Variants in COL4A3 observed in about 807,000 individuals in gnomAD.
COL4A3 encodes collagen type IV alpha 3 chain, also known as collagen alpha-3(IV) chain.
In COL4A3, 135 loss-of-function variants were observed where a neutral mutation model predicts 217.4. The observed-to-expected ratio is 0.62, with a 90% CI of 0.54 to 0.72. The LOEUF (loss-of-function observed/expected upper bound fraction) is 0.72, where lower values mean the gene tolerates loss of function less well. Ranked by LOEUF, COL4A3 falls within the 30% of genes least tolerant of loss-of-function variation. COL4A3 has a pLI of 0.00. For synonymous variants in COL4A3, 690 were observed against 736.3 expected, an observed-to-expected ratio of 0.94 and a Z score of 1.02; for missense variants, 1,868 against 2,119.9, an observed-to-expected ratio of 0.88 and a Z score of 2.33.
intron 1 of COL4A3, among the ~76,000 whole-genome samples, chr2:227,188,267 T>G (rs1425076012): frequency 6.6e-6 from 1 of 152,086 alleles, no homozygotes; most frequent in African/African-American, 2.4e-5. Context: ...AGAATTCTTT[T>G]TAAGTATCTG....
intron 1 of COL4A3, among the ~76,000 whole-genome samples, chr2:227,223,264 ATT>A (rs942529345): frequency 6.6e-6 from 1 of 152,184 alleles, no homozygotes; most frequent in African/African-American, 2.4e-5. Context: ...ACTTCAAATA[ATT>A]CATATACATG....
intron 1 of COL4A3, among the ~76,000 whole-genome samples, chr2:227,220,166 T>TGTG (rs528091209): frequency 0.05 from 5,796 of 115,008 alleles, 349 homozygotes; most frequent in African/African-American, 0.16. Flanking sequence ...GTGTGTGTGT[T>TGTG]TCAGAGACAA....
intron 1 of COL4A3, among the ~76,000 whole-genome samples, chr2:227,224,943 A>G (rs1178522083): frequency 6.6e-6 from 1 of 151,926 alleles, no homozygotes; most frequent in African/African-American, 2.4e-5. Flanking sequence ...ACAGGGTTTC[A>G]CTCTGTCGCC....
At chr2:227,266,681 C>T (rs535769040) in intron 22 of COL4A3, among the ~76,000 whole-genome samples, 172 bp downstream of exon 22, 1 of 152,188 alleles carries the variant, frequency 6.6e-6, no homozygotes, top group East Asian at 1.9e-4. Context: ...TTATTTGGCA[C>T]CCATGCAATA....
At chr2:227,248,726 T>C (rs2069514740) in intron 9 of COL4A3, among the ~76,000 whole-genome samples, 1 of 152,196 alleles carries the variant, frequency 6.6e-6, no homozygotes, top group African/African-American at 2.4e-5. Context: ...GAAAACTACA[T>C]GATGCTGATA....
At chr2:227,178,418 A>T (rs888217104) in intron 1 of COL4A3, among the ~76,000 whole-genome samples, 1 of 152,202 alleles carries the variant, frequency 6.6e-6, no homozygotes, top group Admixed American at 6.5e-5. Context: ...AAATGTGTGT[A>T]TACTATATAT....
chr2:227,254,189 G>T lies in COL4A3; in HGVS notation c.828+15G>T. 1 of 1,609,286 alleles carries T rather than the reference G, an allele frequency of 6.2e-7. No individual in the cohort carries two copies. Among genetic ancestry groups the T allele is most frequent in the Admixed American group, 1.7e-5 (1 of 60,000 alleles). ...CTGGACCCTCAGTAGGTTATTTAAAGTTATATTGTCCCCATAACACATAAA... is the reference window on the plus strand; with the variant it reads ...CTGGACCCTCAGTAGGTTATTTAAATTTATATTGTCCCCATAACACATAAA... On this transcript the variant is annotated intron_variant, in intron 14 of 51. Coordinates refer to ENST00000396578, the MANE Select transcript of COL4A3 (RefSeq NM_000091.5).
Position 227,282,321 on chromosome 2 carries a change from A to C in COL4A3, c.2489-44A>C. The C allele has an allele frequency of 1.4e-6, 2 of 1,402,964 alleles. No individual in the cohort carries two copies. Among genetic ancestry groups the C allele is most frequent in the Non-Finnish European group, 2.0e-6 (2 of 1,002,392 alleles). The allele number at this position is 1,402,964 out of a possible 1,614,324, so 86.9% of individuals were successfully genotyped here. A position where few individuals can be genotyped will look rare whatever the true frequency, so the allele number is the denominator to read the frequency against. On this transcript the variant is annotated intron_variant, in intron 31 of 51. Coordinates refer to ENST00000396578, the MANE Select transcript of COL4A3 (RefSeq NM_000091.5). The surrounding 1 kb of genome is among the most constrained non-coding windows in gnomAD (Gnocchi z 4.4). ...ATATATTTCTGAAGTTAGTAGGGGA[A>C]AGCATTTGTGGGTTAATTAATTCAT...
chr2:227,260,071 G>C (rs1206164324), intron 19 of COL4A3, 194 bp downstream of exon 19: 1 of 743,314 alleles, frequency 1.3e-6, no homozygotes, highest in Non-Finnish European at 2.5e-6. Flanking sequence ...ATACCAGGAA[G>C]GTAATTAAAT....
intron 37 of COL4A3, among the ~76,000 whole-genome samples, chr2:227,291,969 C>T (rs2072770546): frequency 6.6e-6 from 1 of 152,204 alleles, no homozygotes; most frequent in Non-Finnish European, 1.5e-5. Flanking sequence ...GCAGAAGTTG[C>T]TAACGTGGGA....
intron 46 of COL4A3, among the ~76,000 whole-genome samples, chr2:227,304,681 C>T (rs2073428886): frequency 6.6e-6 from 1 of 152,128 alleles, no homozygotes; most frequent in East Asian, 1.9e-4. Context: ...AAAGATATTA[C>T]TTATTTGTTT....
rs769789308 is a variant in COL4A3, at chr2:227,247,555, T to C, written c.442-3T>C. The C allele has an allele frequency of 1.2e-6, 2 of 1,614,068 alleles. No individual in the cohort carries two copies. Among genetic ancestry groups the C allele is most frequent in the South Asian group, 2.2e-5 (2 of 91,084 alleles). On this transcript the variant is annotated splice_polypyrimidine_tract_variant and splice_region_variant and intron_variant, in intron 7 of 51. Transcript: ENST00000396578. The stretch of plus-strand genomic sequence containing the variant: ...AGTTGTTCATAGGTTGCTTTTTTCC[T>C]AGGGTGCTGCTGGTTTGAAAGGACA...
chr2:227,261,138 G>A, intron 20 of COL4A3, 21 bp downstream of exon 20: 1 of 1,602,492 alleles, frequency 6.2e-7, no homozygotes, highest in Non-Finnish European at 8.5e-7. Flanking sequence ...GTTTCTTGGG[G>A]TACAAATAGA....
At chr2:227,258,425 C>T (rs1445875467) in intron 18 of COL4A3, among the ~76,000 whole-genome samples, 2 of 152,124 alleles carry the variant, frequency 1.3e-5, no homozygotes, top group Non-Finnish European at 2.9e-5. Flanking sequence ...GCATAGAGCC[C>T]CTGTCTTAGT....
rs766249313 is a variant in COL4A3, at chr2:227,253,500, G to C, written c.688-61G>C. The C allele has an allele frequency of 1.2e-5, 18 of 1,461,990 alleles. No homozygotes were observed. Among genetic ancestry groups the C allele is most frequent in the Non-Finnish European group, 1.7e-5 (18 of 1,041,450 alleles). The allele number at this position is 1,461,990 out of a possible 1,614,324, so 90.6% of individuals were successfully genotyped here. A position where few individuals can be genotyped will look rare whatever the true frequency, so the allele number is the denominator to read the frequency against. On this transcript the variant is annotated intron_variant, in intron 12 of 51. Transcript: ENST00000396578. This position sits in a 1 kb window ranked among gnomAD's most constrained non-coding sequence, Gnocchi z 4.4. ...GGGAAAAGTAGACCTTTCAAACGTA[G>C]TAACATTGAAATGTTGATGCTGTTG...
intron 1 of COL4A3, among the ~76,000 whole-genome samples, chr2:227,190,188 A>G (rs569016396): frequency 6.6e-6 from 1 of 152,368 alleles, no homozygotes; most frequent in South Asian, 2.1e-4. Flanking sequence ...ATACATTGAG[A>G]TCAATTGTCA....
chr2:227,202,238 C>T (rs909129684), intron 1 of COL4A3, among the ~76,000 whole-genome samples: 19 of 152,272 alleles, frequency 1.2e-4, no homozygotes, highest in Middle Eastern at 3.4e-3. Flanking sequence ...CACCTGTATT[C>T]GGAGAGCTAT....
chr2:227,197,868 G>A (rs765586373), intron 1 of COL4A3, among the ~76,000 whole-genome samples: 1 of 152,214 alleles, frequency 6.6e-6, no homozygotes, highest in Non-Finnish European at 1.5e-5. Flanking sequence ...AAATGGCAGA[G>A]AGGAGAAGTA....
intron 43 of COL4A3, 103 bp downstream of exon 43, chr2:227,298,915 A>T: frequency 8.9e-7 from 1 of 1,121,188 alleles, no homozygotes; most frequent in Middle Eastern, 3.1e-4. Flanking sequence ...TAACTGTATT[A>T]GTCCATTCTC....
Sources: gnomAD v4.1 joint callset for allele counts (sites outside exome capture counted in the v4.1 genomes callset) on GRCh38, gnomAD v4.1.1 for gene constraint, Gnocchi (gnomAD v3.1) non-coding constraint, MANE v1.5 for transcripts, NCBI Gene and HGNC (gene_info 2026-07-23, HGNC 2026-07-21) for gene names.